GPC5: variants seen among roughly 807,000 people sequenced by gnomAD.
GPC5 encodes the protein glypican 5.
In GPC5, 47 loss-of-function variants were observed where a neutral mutation model predicts 53.9. That is an observed-to-expected ratio of 0.87 (90% CI 0.69 to 1.11). The LOEUF (loss-of-function observed/expected upper bound fraction) is 1.11, where lower values mean the gene tolerates loss of function less well. GPC5 is among the 50% of genes most tolerant of loss of function. The pLI, the probability that GPC5 is intolerant of heterozygous loss-of-function variation, is 0.00. For synonymous variants in GPC5, 286 were observed against 263.3 expected (o/e 1.09, Z -0.84); for missense variants, 748 against 713.1 (o/e 1.05, Z -0.56).
chr13:91,413,096 A>T (rs1193390591), intron 1 of GPC5, among the ~76,000 whole-genome samples: 1 of 152,184 alleles, frequency 6.6e-6, no homozygotes, highest in Non-Finnish European at 1.5e-5. Flanking sequence ...AGCCTGGGCA[A>T]ATAGGGAGAC....
At chr13:92,120,603 T>C (rs1305169223) in intron 6 of GPC5, among the ~76,000 whole-genome samples, 1 of 152,222 alleles carries the variant, frequency 6.6e-6, no homozygotes, top group Non-Finnish European at 1.5e-5. Flanking sequence ...TTAATCACTT[T>C]TATGTACAAA....
At chr13:91,767,494 G>T (rs1181104563) in intron 5 of GPC5, among the ~76,000 whole-genome samples, 1 of 152,186 alleles carries the variant, frequency 6.6e-6, no homozygotes, top group Non-Finnish European at 1.5e-5. Context: ...ATAAATTTCT[G>T]AAGCCAGGCT....
intron 7 of GPC5, among the ~76,000 whole-genome samples, chr13:92,666,984 C>T (rs1886593435): frequency 6.6e-6 from 1 of 152,108 alleles, no homozygotes. Flanking sequence ...GGAAAAATGC[C>T]ACCCTATACT....
At chr13:92,561,505 G>A (rs1882692904) in intron 7 of GPC5, among the ~76,000 whole-genome samples, 1 of 151,936 alleles carries the variant, frequency 6.6e-6, no homozygotes, top group South Asian at 2.1e-4. Context: ...ATATTGAATG[G>A]TTAACTGTAT....
chr13:92,037,360 G>A lies in GPC5; in HGVS notation c.1402-107470G>A, dbSNP rs187189967. On this transcript the variant is annotated intron_variant, in intron 6 of 7. Transcript: ENST00000377067. Reference sequence around the variant, plus strand: ...AAAACTATTTCCCTCAGCTATTCAGGAGACTTGCTTTCATACTTTATTCAA... The same window carrying A: ...AAAACTATTTCCCTCAGCTATTCAGAAGACTTGCTTTCATACTTTATTCAA... Among the ~76,000 whole-genome samples, 43 of 152,138 alleles carry A rather than the reference G, an allele frequency of 2.8e-4. 1 individual carries two copies. Among genetic ancestry groups the A allele is most frequent in the Admixed American group, 1.0e-3 (16 of 15,274 alleles).
At chr13:91,974,136 T>C (rs577891783) in intron 6 of GPC5, among the ~76,000 whole-genome samples, 13 of 152,318 alleles carry the variant, frequency 8.5e-5, no homozygotes, top group African/African-American at 2.6e-4. Context: ...CTCAGAGCTA[T>C]CTATGACAAA....
At chr13:91,850,020 A>G (rs960304734) in intron 5 of GPC5, among the ~76,000 whole-genome samples, 5 of 152,182 alleles carry the variant, frequency 3.3e-5, no homozygotes, top group Admixed American at 2.6e-4. Flanking sequence ...CCAGTATATC[A>G]AACTGGCACT....
At chr13:92,701,985 C>T (rs1209814439) in intron 7 of GPC5, among the ~76,000 whole-genome samples, 1 of 151,952 alleles carries the variant, frequency 6.6e-6, no homozygotes, top group African/African-American at 2.4e-5. Context: ...TTCCAGAAAC[C>T]CCTGTCATTT....
chr13:92,850,278 C>T (rs1232065765), intron 7 of GPC5, among the ~76,000 whole-genome samples: 2 of 152,104 alleles, frequency 1.3e-5, no homozygotes, highest in Non-Finnish European at 2.9e-5. Flanking sequence ...AGAGAACCAA[C>T]TCAATTTGCT....
intron 7 of GPC5, among the ~76,000 whole-genome samples, chr13:92,266,157 G>A (rs930731042): frequency 7.9e-5 from 12 of 152,186 alleles, no homozygotes; most frequent in South Asian, 2.1e-4. Flanking sequence ...TTTAGGGGAC[G>A]CATTTAAAGC....
At chr13:92,037,934 A>G (rs776899493) in intron 6 of GPC5, among the ~76,000 whole-genome samples, 4 of 152,128 alleles carry the variant, frequency 2.6e-5, no homozygotes, top group Non-Finnish European at 5.9e-5. Flanking sequence ...CCTTCCTTAT[A>G]TCTAAAAATG....
intron 7 of GPC5, among the ~76,000 whole-genome samples, chr13:92,774,638 C>T (rs974196476): frequency 3.3e-5 from 5 of 152,120 alleles, no homozygotes; most frequent in African/African-American, 9.7e-5. Flanking sequence ...TCTTAATCAT[C>T]CATATTTATT....
At chr13:91,815,280 G>C (rs1030021724) in intron 5 of GPC5, among the ~76,000 whole-genome samples, 8 of 152,068 alleles carry the variant, frequency 5.3e-5, no homozygotes, top group African/African-American at 1.7e-4. Flanking sequence ...CAGCTACTCA[G>C]GAACACTGAG....
chr13:91,920,259 G>A (rs1346354719), intron 6 of GPC5, among the ~76,000 whole-genome samples: 1 of 151,558 alleles, frequency 6.6e-6, no homozygotes, highest in Non-Finnish European at 1.5e-5. Flanking sequence ...GAATCAATAA[G>A]AAAATAAAAA....
intron 7 of GPC5, chr13:92,658,924 G>GTTTTTTTTTTTTTT (rs71123426): frequency 4.7e-5 from 4 of 85,594 alleles, no homozygotes; most frequent in Admixed American, 1.7e-4. Flanking sequence ...TATATGTTTT[G>GTTTTTTTTTTTTTT]TTTTTTTTTT....
intron 7 of GPC5, among the ~76,000 whole-genome samples, chr13:92,694,977 G>A (rs923684550): frequency 9.2e-5 from 14 of 152,118 alleles, no homozygotes; most frequent in African/African-American, 3.4e-4. Flanking sequence ...AGTTCTTATT[G>A]TTTAAAAGTG....
intron 6 of GPC5, among the ~76,000 whole-genome samples, chr13:92,058,296 G>A (rs1007797532): frequency 3.9e-5 from 6 of 152,130 alleles, no homozygotes; most frequent in Non-Finnish European, 8.8e-5. Context: ...CGTAGTGGTG[G>A]AATTAGAAGT....
At chr13:91,791,574 C>T (rs1395963563) in intron 5 of GPC5, among the ~76,000 whole-genome samples, 2 of 149,606 alleles carry the variant, frequency 1.3e-5, no homozygotes, top group African/African-American at 5.0e-5. Context: ...CTTCCATTCT[C>T]ATATTTCTGC....
chr13:91,820,799 T>TAA (rs1416430714), intron 5 of GPC5, among the ~76,000 whole-genome samples: 4 of 151,802 alleles, frequency 2.6e-5, no homozygotes, highest in African/African-American at 9.7e-5. Flanking sequence ...CCATCTCTAC[T>TAA]AAAAATACAA....
Sources: gnomAD v4.1 joint callset for allele counts (sites outside exome capture counted in the v4.1 genomes callset) on GRCh38, gnomAD v4.1.1 for gene constraint, MANE v1.5 for transcripts, NCBI Gene and HGNC (gene_info 2026-07-23, HGNC 2026-07-21) for gene names.